Variants in NUMB observed in about 807,000 individuals in gnomAD.
NUMB encodes the protein NUMB endocytic adaptor protein.
NUMB carries 29 observed loss-of-function variants against 59.7 expected under a neutral mutation model. That is an observed-to-expected ratio of 0.49 (90% confidence interval 0.36 to 0.66). NUMB has a LOEUF of 0.66. Among genes scored for constraint, NUMB ranks in the 30% least tolerant of loss-of-function variants. NUMB has a pLI of 0.00. For synonymous variants in NUMB, 288 were observed against 288.2 expected (o/e 1.00, Z 0.01); for missense variants, 723 against 822.0 (o/e 0.88, Z 1.47).
intron 1 of NUMB, among the ~76,000 whole-genome samples, chr14:73,439,376 A>G (rs1345927369): frequency 1.3e-5 from 2 of 152,190 alleles, no homozygotes; most frequent in East Asian, 1.9e-4. Context: ...AAACAGGGGG[A>G]AAAAGACCCA....
chr14:73,339,974 C>T (rs1045080290), intron 4 of NUMB, among the ~76,000 whole-genome samples: 12 of 129,674 alleles, frequency 9.3e-5, no homozygotes, highest in South Asian at 2.4e-4. Flanking sequence ...ATGTGACTAG[C>T]GGGGGATGGA....
At chr14:73,433,557 C>A (rs1897925779) in intron 1 of NUMB, among the ~76,000 whole-genome samples, 1 of 152,090 alleles carries the variant, frequency 6.6e-6, no homozygotes, top group Non-Finnish European at 1.5e-5. Context: ...CAGAGTCTCA[C>A]AAAGACCAGT....
chr14:73,430,880 G>T (rs1453699519), intron 1 of NUMB, among the ~76,000 whole-genome samples: 1 of 151,902 alleles, frequency 6.6e-6, no homozygotes, highest in African/African-American at 2.4e-5. Context: ...GGGAGGCGGA[G>T]CTTGCAGTGA....
At chr14:73,451,518 C>T (rs374473656) in intron 1 of NUMB, among the ~76,000 whole-genome samples, 8 of 149,066 alleles carry the variant, frequency 5.4e-5, no homozygotes, top group East Asian at 3.9e-4. Flanking sequence ...GGTAGCCTGA[C>T]GCAGGACAAT....
At chr14:73,389,272 C>CA (rs869074049) in intron 2 of NUMB, among the ~76,000 whole-genome samples, 7,997 of 65,950 alleles carry the variant, frequency 0.12, 576 homozygotes, top group African/African-American at 0.18. Flanking sequence ...CTCCATCTCT[C>CA]AAAAAAAAAA....
At chr14:73,346,095 G>T (rs1892902736) in intron 4 of NUMB, among the ~76,000 whole-genome samples, 1 of 152,064 alleles carries the variant, frequency 6.6e-6, no homozygotes, top group African/African-American at 2.4e-5. Flanking sequence ...TCTTGAAAAA[G>T]TTCTGGGATC....
At chr14:73,282,110 A>T (rs1888670732) in intron 11 of NUMB, 1 of 418,858 alleles carries the variant, frequency 2.4e-6, no homozygotes, top group Non-Finnish European at 4.3e-6. Context: ...TTGGGACTAC[A>T]GAAATTCCTT....
At chr14:73,344,706 A>AT (rs1173467250) in intron 4 of NUMB, among the ~76,000 whole-genome samples, 3 of 152,216 alleles carry the variant, frequency 2.0e-5, no homozygotes, top group Non-Finnish European at 4.4e-5. Context: ...ACCAAATAAC[A>AT]TAAGTATGAA....
At chr14:73,394,405 T>TAA (rs74677402) in intron 2 of NUMB, among the ~76,000 whole-genome samples, 28,896 of 137,146 alleles carry the variant, frequency 0.21, 3,820 homozygotes, top group East Asian at 0.59. Context: ...CAGTTTTCTT[T>TAA]AAAAAAAAAA....
At chr14:73,418,455 A>G (rs1897219731) in intron 1 of NUMB, among the ~76,000 whole-genome samples, 2 of 152,150 alleles carry the variant, frequency 1.3e-5, no homozygotes, top group South Asian at 2.1e-4. Flanking sequence ...ATGCCACTGA[A>G]CTGTACATTT....
At chr14:73,285,761 A>G (rs1231334026) in intron 9 of NUMB, among the ~76,000 whole-genome samples, 1 of 152,060 alleles carries the variant, frequency 6.6e-6, no homozygotes, top group African/African-American at 2.4e-5. Context: ...GTCCATCTCT[A>G]CTAAAAATAC....
chr14:73,282,734 A>G (rs1003631345), intron 10 of NUMB, among the ~76,000 whole-genome samples: 19 of 152,182 alleles, frequency 1.2e-4, no homozygotes, highest in Non-Finnish European at 2.9e-5. Context: ...GTACTAAGGC[A>G]CATCTTCCTC....
At chr14:73,436,033 A>C (rs914194946) in intron 1 of NUMB, among the ~76,000 whole-genome samples, 1 of 152,070 alleles carries the variant, frequency 6.6e-6, no homozygotes, top group African/African-American at 2.4e-5. Flanking sequence ...AATGACACAA[A>C]TATCAATAGA....
At chr14:73,305,547 C>G (rs192051544) in intron 6 of NUMB, among the ~76,000 whole-genome samples, 11 of 152,262 alleles carry the variant, frequency 7.2e-5, no homozygotes, top group Admixed American at 2.0e-4. Context: ...GGCAAGACAG[C>G]TCTGCGGGCA....
intron 2 of NUMB, among the ~76,000 whole-genome samples, chr14:73,408,895 A>T (rs1165926374): frequency 6.6e-6 from 1 of 151,358 alleles, no homozygotes; most frequent in South Asian, 2.1e-4. Context: ...AAAAAAAAGA[A>T]AGAAAGAAAG....
intron 2 of NUMB, among the ~76,000 whole-genome samples, chr14:73,367,348 T>TATAGAGAGAGAGAGAGAGAG (rs1555375287): frequency 1.4e-3 from 144 of 105,294 alleles, no homozygotes; most frequent in Middle Eastern, 4.9e-3. Flanking sequence ...TATATATATA[T>TATAGAGAGAGAGAGAGAGAG]AGAGAGAGAG....
chr14:73,406,340 C>T (rs555116896), intron 2 of NUMB, among the ~76,000 whole-genome samples: 246 of 147,412 alleles, frequency 1.7e-3, no homozygotes, highest in African/African-American at 5.9e-3. Context: ...TGAGAACATG[C>T]GGTGTTTGGT....
chr14:73,424,937 A>G (rs1897517411), intron 1 of NUMB, among the ~76,000 whole-genome samples: 1 of 152,260 alleles, frequency 6.6e-6, no homozygotes. Context: ...TCATAACCTA[A>G]ACACAGAGGC....
At chr14:73,321,800 T>A (rs138707773) in intron 5 of NUMB, among the ~76,000 whole-genome samples, 122 of 152,310 alleles carry the variant, frequency 8.0e-4, no homozygotes, top group African/African-American at 2.7e-3. Context: ...ATAAAGAGTA[T>A]GTATAGGTAT....
Sources: gnomAD v4.1 joint callset for allele counts (sites outside exome capture counted in the v4.1 genomes callset) on GRCh38, gnomAD v4.1.1 for gene constraint, MANE v1.5 for transcripts, NCBI Gene and HGNC (gene_info 2026-07-23, HGNC 2026-07-21) for gene names.